Variants in EPB41L4A observed in about 807,000 individuals in gnomAD.
EPB41L4A encodes band 4.1-like protein 4A.
EPB41L4A carries 100 observed loss-of-function variants against 108.6 expected under a neutral mutation model. The observed-to-expected ratio is 0.92, with a 90% CI of 0.78 to 1.09. EPB41L4A has a LOEUF of 1.09. Ranked by LOEUF, EPB41L4A falls within the 50% of genes least tolerant of loss-of-function variation. EPB41L4A has a pLI of 0.00. For missense variants in EPB41L4A, 1,030 were observed against 842.7 expected (o/e 1.22, Z -2.75); for synonymous variants, 319 against 289.0 (o/e 1.10, Z -1.05).
chr5:112,390,907 T>C (rs577391794), intron 1 of EPB41L4A, among the ~76,000 whole-genome samples: 31 of 152,340 alleles, frequency 2.0e-4, no homozygotes, highest in African/African-American at 6.3e-4. Flanking sequence ...CTGCAGCCTC[T>C]GCTGGTGATA....
intron 2 of EPB41L4A, among the ~76,000 whole-genome samples, chr5:112,297,917 G>C (rs1754107671): frequency 1.3e-5 from 2 of 151,972 alleles, no homozygotes; most frequent in Non-Finnish European, 2.9e-5. Context: ...TGTTTGCTTT[G>C]TCGATGGTCA....
At chr5:112,416,630 G>C (rs959033833) in intron 1 of EPB41L4A, among the ~76,000 whole-genome samples, 1 of 152,154 alleles carries the variant, frequency 6.6e-6, no homozygotes, top group African/African-American at 2.4e-5. Context: ...CATAATGGTA[G>C]CTACTGGCTA....
At chr5:112,303,025 A>G (rs1245126512) in intron 2 of EPB41L4A, among the ~76,000 whole-genome samples, 2 of 152,258 alleles carry the variant, frequency 1.3e-5, no homozygotes, top group East Asian at 3.9e-4. Context: ...CTGCTTCTTG[A>G]TCTTTCCCCT....
chr5:112,384,844 T>G (rs1323235525), intron 1 of EPB41L4A, among the ~76,000 whole-genome samples: 1 of 152,192 alleles, frequency 6.6e-6, no homozygotes, highest in East Asian at 1.9e-4. Flanking sequence ...CACAATGGAA[T>G]TTTGCCTCTG....
rs144456997 is a variant in EPB41L4A at position 112,246,826 on chromosome 5, G to A, written c.796-6016C>T. On this transcript the variant is annotated intron_variant, in intron 9 of 22. Coordinates refer to ENST00000261486, the MANE Select transcript of EPB41L4A (RefSeq NM_022140.5). ...CACTGAGGCAGACAAAGGCATGAATGACTATTTTTCCCTACCCCCCTCTTA... is the reference window on the plus strand; with the variant it reads ...CACTGAGGCAGACAAAGGCATGAATAACTATTTTTCCCTACCCCCCTCTTA... Among the ~76,000 whole-genome samples the A allele has an allele frequency of 7.0e-3, 1,065 of 152,212 alleles. 11 individuals are homozygous for A. Among genetic ancestry groups the A allele is most frequent in the Non-Finnish European group, 0.011 (770 of 68,010 alleles).
chr5:112,291,992 C>T (rs890679173), intron 2 of EPB41L4A, among the ~76,000 whole-genome samples: 1 of 152,224 alleles, frequency 6.6e-6, no homozygotes, highest in African/African-American at 2.4e-5. Flanking sequence ...CCTGTAATTA[C>T]ATGGGTAGAG....
At chr5:112,281,918 GTCAC>G (rs1262458751) in intron 2 of EPB41L4A, among the ~76,000 whole-genome samples, 6 of 151,882 alleles carry the variant, frequency 4.0e-5, no homozygotes, top group Non-Finnish European at 5.9e-5. Flanking sequence ...TTCATTATTT[GTCAC>G]TCACAGCAGT....
intron 4 of EPB41L4A, among the ~76,000 whole-genome samples, chr5:112,267,392 C>T (rs1375942019): frequency 1.3e-5 from 2 of 152,194 alleles, no homozygotes; most frequent in Non-Finnish European, 2.9e-5. Context: ...GGAAATGTTA[C>T]ATGTGTTAGA....
At chr5:112,152,903 T>C (rs17651424) in intron 12 of EPB41L4A, among the ~76,000 whole-genome samples, 16,764 of 152,250 alleles carry the variant, frequency 0.11, 1,060 homozygotes, top group Non-Finnish European at 0.15. Context: ...TGAATATGGA[T>C]GCAATATAAT....
In EPB41L4A at chr5:112,221,026, T is replaced by C. The variant is rs111469000; in HGVS notation, c.1088-11044A>G. The stretch of plus-strand genomic sequence containing the variant: ...TCATTTCTAAAGGCTCTCATGTATA[T>C]AAAACTTATATTAAACAAAGTTGTA... On this transcript the variant is annotated intron_variant, in intron 12 of 22. Coordinates refer to ENST00000261486, the MANE Select transcript of EPB41L4A (RefSeq NM_022140.5). 8.2e-3 allele frequency among the ~76,000 whole-genome samples: 1,252 copies of C among 152,324 alleles called. 22 individuals are homozygous for C. Among genetic ancestry groups the C allele is most frequent in the African/African-American group, 0.028 (1,183 of 41,570 alleles).
chr5:112,147,311 A>C (rs1759295510), intron 12 of EPB41L4A, among the ~76,000 whole-genome samples: 2 of 152,214 alleles, frequency 1.3e-5, no homozygotes, highest in South Asian at 4.1e-4. Context: ...TTATTTAATC[A>C]CATCATTTTT....
intron 1 of EPB41L4A, among the ~76,000 whole-genome samples, chr5:112,339,512 A>ATATATC (rs1561585423): frequency 1.7e-4 from 8 of 45,988 alleles, no homozygotes; most frequent in African/African-American, 6.7e-4. Context: ...ATATATATAG[A>ATATATC]TATATAGATA....
At chr5:112,297,356 C>T (rs1580632459) in intron 2 of EPB41L4A, among the ~76,000 whole-genome samples, 1 of 152,086 alleles carries the variant, frequency 6.6e-6, no homozygotes, top group Middle Eastern at 3.4e-3. Flanking sequence ...GGTGGTATTG[C>T]ATTGTGGTTT....
chr5:112,372,479 C>T (rs2112552032), intron 1 of EPB41L4A, among the ~76,000 whole-genome samples: 1 of 152,274 alleles, frequency 6.6e-6, no homozygotes, highest in Non-Finnish European at 1.5e-5. Flanking sequence ...ACGGAAGGCT[C>T]TGTCTGAGAA....
intron 18 of EPB41L4A, among the ~76,000 whole-genome samples, chr5:112,178,107 C>T (rs983343315): frequency 6.7e-6 from 1 of 149,076 alleles, no homozygotes; most frequent in East Asian, 1.9e-4. Context: ...AATATAAAGA[C>T]ATAACTAGGC....
At chr5:112,332,457 G>A (rs566520450) in intron 1 of EPB41L4A, among the ~76,000 whole-genome samples, 5 of 152,278 alleles carry the variant, frequency 3.3e-5, no homozygotes, top group South Asian at 2.1e-4. Flanking sequence ...AAATACATGC[G>A]TATTGATTTT....
At position 112,235,562 on chromosome 5, in the gene EPB41L4A, G is replaced by A. The variant is rs188618532; in HGVS notation, c.966-807C>T. Among the ~76,000 whole-genome samples the A allele has an allele frequency of 5.3e-5, 8 of 152,216 alleles. No individual in the cohort carries two copies. The East Asian group carries it at 1.5e-3, about 29-fold the overall frequency. ...ACCACAAGTACAGCCATCTATGGGA[G>A]GAAAAAAGTCTTTTAATGGCCCCAA... On this transcript the variant is annotated intron_variant, in intron 11 of 22. Coordinates refer to ENST00000261486, the MANE Select transcript of EPB41L4A (RefSeq NM_022140.5).
intron 1 of EPB41L4A, among the ~76,000 whole-genome samples, chr5:112,308,137 T>C (rs1046389654): frequency 6.6e-6 from 1 of 152,170 alleles, no homozygotes; most frequent in Non-Finnish European, 1.5e-5. Flanking sequence ...CTACTACATA[T>C]ACAGATTCTT....
At chr5:112,392,255 C>A (rs1760998741) in intron 1 of EPB41L4A, among the ~76,000 whole-genome samples, 1 of 151,862 alleles carries the variant, frequency 6.6e-6, no homozygotes, top group Non-Finnish European at 1.5e-5. Context: ...GAGCAAAATG[C>A]CCCAATTAAA....
Sources: allele counts gnomAD v4.1 joint callset (sites outside exome capture counted in the v4.1 genomes callset), GRCh38; gene constraint gnomAD v4.1.1; transcripts MANE v1.5; gene names NCBI Gene and HGNC (gene_info 2026-07-23, HGNC 2026-07-21).